The following FILIP1 variants were observed in gnomAD, a reference collection of about 807,000 sequenced individuals.
FILIP1 encodes filamin A interacting protein 1.
Under a neutral mutation model 102.1 loss-of-function variants are expected in FILIP1, and 61 were observed. The observed-to-expected ratio is 0.60, with a 90% confidence interval of 0.49 to 0.74. The LOEUF is 0.74. Ranked by LOEUF, FILIP1 falls within the 30% of genes least tolerant of loss-of-function variation. FILIP1 has a pLI of 0.00. For synonymous variants in FILIP1, 491 were observed against 526.9 expected (o/e 0.93, Z 0.93); for missense variants, 1,314 against 1,441.2 (o/e 0.91, Z 1.43).
chr6:75,370,896 T>A (rs2149624380), intron 2 of FILIP1, among the ~76,000 whole-genome samples: 1 of 152,222 alleles, frequency 6.6e-6, no homozygotes, highest in Non-Finnish European at 1.5e-5. Flanking sequence ...CTTTTTAAGT[T>A]TATTCCAAAA....
exon 7 of FILIP1, chr6:75,293,205 AAC>A (rs1462889219): frequency 1.3e-5 from 2 of 152,230 alleles, no homozygotes; most frequent in South Asian, 2.1e-4. Context: ...TATTTCAGAA[AAC>A]AGTTATAATT....
chr6:75,376,779 T>C (rs1294719820), intron 2 of FILIP1, among the ~76,000 whole-genome samples: 2 of 152,156 alleles, frequency 1.3e-5, no homozygotes, highest in African/African-American at 4.8e-5. Context: ...GTGATTCCTG[T>C]GCCATGAACC....
chr6:75,477,578 A>T (rs1779517015), intron 1 of FILIP1, among the ~76,000 whole-genome samples: 1 of 151,884 alleles, frequency 6.6e-6, no homozygotes, highest in African/African-American at 2.4e-5. Flanking sequence ...AATTTAAAAT[A>T]TTTTAAATAC....
rs1391738032 is a variant in FILIP1, at chr6:75,314,725, TC to T, written c.1106del (p.Gly369GlufsTer39). 1.2e-6 allele frequency: 2 copies of T among 1,614,066 alleles called. No homozygotes were observed. Among genetic ancestry groups the T allele is most frequent in the Non-Finnish European group, 1.7e-6 (2 of 1,180,038 alleles). On this transcript the variant is annotated frameshift_variant, in exon 5 of 6. Coordinates refer to ENST00000237172, the MANE Select transcript of FILIP1 (RefSeq NM_015687.5). LOFTEE classifies it high-confidence loss of function. ...LQELRDKIAK[G>X]ECGNSSLMAE... ...CCATGAGGCTAGAGTTTCCACATTC[TC>T]CTTTGGCAATTTTATCTCTTAATTC...
intron 2 of FILIP1, among the ~76,000 whole-genome samples, chr6:75,364,443 A>C (rs939908066): frequency 6.6e-6 from 1 of 152,214 alleles, no homozygotes; most frequent in African/African-American, 2.4e-5. Flanking sequence ...CCTCTCTGCC[A>C]GGCACCATTG....
At chr6:75,372,695 GAGAA>G (rs1327606591) in intron 2 of FILIP1, among the ~76,000 whole-genome samples, 442 of 28,280 alleles carry the variant, frequency 0.016, 18 homozygotes, top group Non-Finnish European at 0.023. Context: ...GAGAAAGAAA[GAGAA>G]AGAAAGAAAG....
intron 1 of FILIP1, among the ~76,000 whole-genome samples, chr6:75,441,442 C>G (rs1778221714): frequency 6.6e-6 from 1 of 152,096 alleles, no homozygotes; most frequent in Non-Finnish European, 1.5e-5. Flanking sequence ...TCCCCCCCTT[C>G]TATTCCACAA....
At chr6:75,335,623 C>A (rs1774218073) in intron 4 of FILIP1, among the ~76,000 whole-genome samples, 1 of 151,930 alleles carries the variant, frequency 6.6e-6, no homozygotes, top group East Asian at 1.9e-4. Context: ...TTTTTCTAAG[C>A]CATATGCATA....
chr6:75,351,415 T>G (rs1342512336), intron 4 of FILIP1, among the ~76,000 whole-genome samples: 1 of 152,210 alleles, frequency 6.6e-6, no homozygotes, highest in African/African-American at 2.4e-5. Flanking sequence ...ACTTAATATT[T>G]TATTTCATTT....
chr6:75,319,110 CTTCT>C (rs1773550006), intron 4 of FILIP1: 1 of 731,374 alleles, frequency 1.4e-6, no homozygotes, highest in Non-Finnish European at 2.5e-6. Context: ...CCTCCTCTTC[CTTCT>C]TTTTCTTGCT....
intron 2 of FILIP1, chr6:75,366,164 T>C (rs753479738): frequency 2.6e-5 from 4 of 152,242 alleles, no homozygotes; most frequent in Admixed American, 6.5e-5. Flanking sequence ...TTAGTCACAT[T>C]CTAACTAGAC....
chr6:75,442,173 GCTC>G (rs1778283930), intron 1 of FILIP1, among the ~76,000 whole-genome samples: 1 of 151,856 alleles, frequency 6.6e-6, no homozygotes, highest in African/African-American at 2.4e-5. Context: ...GGGCAGAGAC[GCTC>G]CTCACTTCCT....
At chr6:75,328,271 T>C (rs917290527) in intron 4 of FILIP1, among the ~76,000 whole-genome samples, 65 of 152,226 alleles carry the variant, frequency 4.3e-4, no homozygotes, top group African/African-American at 1.5e-3. Context: ...GTCCTTTATT[T>C]TTAAGTCCTT....
At chr6:75,345,571 T>C (rs1774551366) in intron 4 of FILIP1, among the ~76,000 whole-genome samples, 1 of 152,080 alleles carries the variant, frequency 6.6e-6, no homozygotes, top group Non-Finnish European at 1.5e-5. Context: ...TGGAAAACCA[T>C]TTGCATAATA....
At chr6:75,324,192 A>G (rs1434167015) in intron 4 of FILIP1, among the ~76,000 whole-genome samples, 1 of 152,194 alleles carries the variant, frequency 6.6e-6, no homozygotes, top group Non-Finnish European at 1.5e-5. Context: ...TGAATTCAGT[A>G]AAGTCTCAGG....
At chr6:75,323,382 A>C (rs1209042533) in intron 4 of FILIP1, among the ~76,000 whole-genome samples, 1 of 152,234 alleles carries the variant, frequency 6.6e-6, no homozygotes, top group African/African-American at 2.4e-5. Flanking sequence ...AAAAACCAGA[A>C]AAAAGAAATT....
At chr6:75,454,509 T>C (rs1341799996) in intron 1 of FILIP1, among the ~76,000 whole-genome samples, 1 of 152,190 alleles carries the variant, frequency 6.6e-6, no homozygotes, top group African/African-American at 2.4e-5. Context: ...CCATGTAGCA[T>C]TCACAGGAGT....
chr6:75,409,657 C>T (rs1776988272), intron 2 of FILIP1, among the ~76,000 whole-genome samples: 2 of 152,234 alleles, frequency 1.3e-5, no homozygotes, highest in South Asian at 4.1e-4. Flanking sequence ...TTCTATAATG[C>T]CTTACTGCTC....
chr6:75,462,034 A>G (rs1779037874), intron 1 of FILIP1, among the ~76,000 whole-genome samples: 1 of 152,184 alleles, frequency 6.6e-6, no homozygotes, highest in Non-Finnish European at 1.5e-5. Flanking sequence ...CTTCTTCAGC[A>G]GTGTGTCTTC....
Sources: allele counts gnomAD v4.1 joint callset (sites outside exome capture counted in the v4.1 genomes callset), GRCh38; gene constraint gnomAD v4.1.1; transcripts MANE v1.5; gene names NCBI Gene and HGNC (gene_info 2026-07-23, HGNC 2026-07-21).